Variants in MYO16 observed in about 807,000 individuals in gnomAD.
MYO16 encodes the protein unconventional myosin-XVI.
A neutral mutation model predicts 205.3 loss-of-function variants in MYO16; 94 were observed. The ratio of observed to expected loss-of-function variants is 0.46; its 90% CI spans 0.39 to 0.54. MYO16 has a LOEUF of 0.54. Ranked by LOEUF, MYO16 falls within the 20% of genes least tolerant of loss-of-function variation. The probability of loss-of-function intolerance (pLI) is 0.00; values close to 1 mark genes in which losing one functional copy is unlikely to be tolerated. For missense variants in MYO16, 2,315 were observed against 2,387.5 expected (o/e 0.97, Z 0.63); for synonymous variants, 988 against 954.0 (o/e 1.04, Z -0.66).
At chr13:108,921,106 T>C (rs957042576) in intron 16 of MYO16, among the ~76,000 whole-genome samples, 1 of 152,240 alleles carries the variant, frequency 6.6e-6, no homozygotes, top group Non-Finnish European at 1.5e-5. Context: ...CCCGTCTGCC[T>C]CACCAGTGTA....
At chr13:108,509,273 C>T in the MYO16 span, among the ~76,000 whole-genome samples, 2 of 152,190 alleles carry the variant, frequency 1.3e-5, no homozygotes, top group Admixed American at 1.3e-4. Flanking sequence ...CTTGCACAAC[C>T]TGAAGAGTAT....
chr13:108,727,500 A>G lies in MYO16; in HGVS notation c.424A>G (p.Asn142Asp). ...TCTGATTGACAGAGGAGTCAACGTC[A>G]ACCACCAGGATGAAGACTTCTGGAC... The part of the protein sequence containing the change: ...EILIDRGVNV[N>D]HQDEDFWTPM... Residue 142 changes from asparagine to aspartate, a missense_variant, in exon 4 of 35, where the codon AAC becomes GAC. Asn to Asp is a conservative substitution (Grantham distance 23). This residue lies in a region of MYO16 where 1,213 missense variants were observed against 1,274.4 expected (regional missense o/e 0.95). Transcript: ENST00000457511. 1 of 1,614,084 alleles carries G rather than the reference A, an allele frequency of 6.2e-7. No homozygotes were observed.
chr13:108,532,199 C>G, the MYO16 span, among the ~76,000 whole-genome samples: 2 of 151,716 alleles, frequency 1.3e-5, no homozygotes, highest in African/African-American at 4.8e-5. Context: ...GAGTGAGACT[C>G]TGTCTCAAAA....
In MYO16 at chr13:109,027,594, C is replaced by A. The variant is rs138947914; in HGVS notation, c.2796+7683C>A. The stretch of plus-strand genomic sequence containing the variant: ...GGCCCAGCTGGCCAGGGTTTGATTT[C>A]CAGCTCCATTACTCTGTGCCTTTGA... On this transcript the variant is annotated intron_variant, in intron 23 of 34. Coordinates refer to ENST00000457511, the MANE Select transcript of MYO16 (RefSeq NM_001198950.3). Among the ~76,000 whole-genome samples, 172 of 152,024 alleles carry A rather than the reference C, an allele frequency of 1.1e-3. 2 individuals are homozygous for A. The highest frequency in any genetic ancestry group is 3.6e-3 in the African/African-American group (148 of 41,544).
At chr13:108,956,247 C>A (rs971948447) in intron 16 of MYO16, among the ~76,000 whole-genome samples, 1 of 152,132 alleles carries the variant, frequency 6.6e-6, no homozygotes, top group African/African-American at 2.4e-5. Context: ...ACTTGCTACT[C>A]ATCATGAGCT....
chr13:108,748,936 C>A (rs1331347430), intron 4 of MYO16, among the ~76,000 whole-genome samples: 1 of 152,020 alleles, frequency 6.6e-6, no homozygotes, highest in Non-Finnish European at 1.5e-5. Flanking sequence ...TATGTATATG[C>A]TAATATCAAA....
At chr13:108,631,199 G>C (rs1168594759) in intron 1 of MYO16, among the ~76,000 whole-genome samples, 6 of 152,118 alleles carry the variant, frequency 3.9e-5, no homozygotes, top group Admixed American at 2.6e-4. Flanking sequence ...TTTCCTTGCT[G>C]TGCCTCTGCA....
chr13:108,817,647 T>C (rs74119769), intron 7 of MYO16, among the ~76,000 whole-genome samples: 1,685 of 152,324 alleles, frequency 0.011, 32 homozygotes, highest in African/African-American at 0.039. Flanking sequence ...TTATTGCCTT[T>C]AAATTACTTC....
rs570848857 is a variant in MYO16 at position 108,896,254 on chromosome 13, A to C, written c.1660-1762A>C. 2.0e-5 allele frequency among the ~76,000 whole-genome samples: 3 copies of C among 152,290 alleles called. No individual in the cohort carries two copies. In the South Asian group the frequency reaches 6.2e-4, roughly 32 times the overall value. On this transcript the variant is annotated intron_variant, in intron 14 of 34. Transcript: ENST00000457511. ...TTTAAAAATAATTGTTTAATGTAAT[A>C]TTATTAATATTTAAAATGTGCTATC...
At chr13:109,040,221 C>T (rs1886836680) in intron 23 of MYO16, among the ~76,000 whole-genome samples, 1 of 152,016 alleles carries the variant, frequency 6.6e-6, no homozygotes, top group Admixed American at 6.6e-5. Context: ...GATTGTTTCA[C>T]TGGAGAATTC....
chr13:108,758,632 G>A lies in MYO16; in HGVS notation c.508-27003G>A, dbSNP rs117119870. ...CTCCATTAGAAGAACAGACATGACC[G>A]TCACACTAGCTGTTAGATGTAGATG... On this transcript the variant is annotated intron_variant, in intron 4 of 34. Transcript: ENST00000457511. Among the ~76,000 whole-genome samples the A allele has an allele frequency of 1.5e-4, 23 of 152,260 alleles. No individual in the cohort carries two copies. In the South Asian group the frequency reaches 4.6e-3, roughly 30 times the overall value.
intron 20 of MYO16, among the ~76,000 whole-genome samples, chr13:108,967,511 G>A (rs1883840798): frequency 6.6e-6 from 1 of 152,180 alleles, no homozygotes; most frequent in Non-Finnish European, 1.5e-5. Flanking sequence ...ATGTGTGGCT[G>A]CCTACTGGGG....
chr13:108,936,013 A>G (rs1415081925), intron 16 of MYO16, among the ~76,000 whole-genome samples: 2 of 151,844 alleles, frequency 1.3e-5, no homozygotes, highest in African/African-American at 4.8e-5. Flanking sequence ...TTTTTGATGT[A>G]CTATTGAATT....
chr13:109,149,998 C>T (rs1877564060), intron 32 of MYO16, among the ~76,000 whole-genome samples: 1 of 152,172 alleles, frequency 6.6e-6, no homozygotes, highest in Admixed American at 6.5e-5. Context: ...ATATGACTTG[C>T]TGGGGATGTG....
Position 108,822,170 on chromosome 13 carries a change from A to C in MYO16, c.944-955A>C, listed in dbSNP as rs191483998. 1.4e-4 allele frequency among the ~76,000 whole-genome samples: 21 copies of C among 152,332 alleles called. No individual in the cohort carries two copies. The East Asian group carries it at 4.1e-3, about 29-fold the overall frequency. On this transcript the variant is annotated intron_variant, in intron 8 of 34. Coordinates refer to ENST00000457511, the MANE Select transcript of MYO16 (RefSeq NM_001198950.3). ...ATTTTATGTTTCTTGAATTTGGAAT[A>C]GATTTATGAAAAAAATCTGTGGGAA...
At chr13:109,119,908 G>A (rs948233059) in intron 28 of MYO16, among the ~76,000 whole-genome samples, 1 of 152,182 alleles carries the variant, frequency 6.6e-6, no homozygotes, top group Non-Finnish European at 1.5e-5. Flanking sequence ...GGCATAGTGG[G>A]AAAAATTATA....
rs115244824 is a variant in MYO16, at chr13:108,790,261, G to A, written c.617-3255G>A. Reference sequence around the variant, plus strand: ...AAAACAATATTACCTTAAGAGGGACGGTTAAGGGAAGTTAAGTTAGGGTTC... The same window carrying A: ...AAAACAATATTACCTTAAGAGGGACAGTTAAGGGAAGTTAAGTTAGGGTTC... On this transcript the variant is annotated intron_variant, in intron 5 of 34. Coordinates refer to ENST00000457511, the MANE Select transcript of MYO16 (RefSeq NM_001198950.3). 8.3e-3 allele frequency among the ~76,000 whole-genome samples: 1,268 copies of A among 152,256 alleles called. 20 individuals are homozygous for A. The highest frequency in any genetic ancestry group is 0.029 in the African/African-American group (1,197 of 41,540).
chr13:109,006,081 G>T (rs1885379329), intron 21 of MYO16, among the ~76,000 whole-genome samples: 1 of 152,122 alleles, frequency 6.6e-6, no homozygotes, highest in Non-Finnish European at 1.5e-5. Flanking sequence ...CTAGAAGGAG[G>T]ACATGAATGC....
intron 21 of MYO16, among the ~76,000 whole-genome samples, chr13:108,995,867 C>A (rs1457043451): frequency 6.6e-6 from 1 of 152,128 alleles, no homozygotes; most frequent in Non-Finnish European, 1.5e-5. Context: ...TGTTCCAAGT[C>A]TTTGCTATTG....
Sources: gnomAD v4.1 joint callset for allele counts (sites outside exome capture counted in the v4.1 genomes callset) on GRCh38, gnomAD v4.1.1 for gene constraint, gnomAD v4.1.1 regional missense constraint, MANE v1.5 for transcripts, NCBI Gene and HGNC (gene_info 2026-07-23, HGNC 2026-07-21) for gene names.